Variants in GALNT14 observed in about 807,000 individuals in gnomAD.
GALNT14 encodes the protein UDP-GalNAc:polypeptide N-acetylgalactosaminyltransferase 14.
A neutral mutation model predicts 77.5 loss-of-function variants in GALNT14; 60 were observed. The observed-to-expected ratio is 0.77, with a 90% CI of 0.63 to 0.96. The LOEUF (loss-of-function observed/expected upper bound fraction) is 0.96, where lower values mean the gene tolerates loss of function less well. Among genes scored for constraint, GALNT14 ranks in the 40% least tolerant of loss-of-function variants. The pLI, the probability that GALNT14 is intolerant of heterozygous loss-of-function variation, is 0.00. For synonymous variants in GALNT14, 280 were observed against 281.7 expected (o/e 0.99, Z 0.06); for missense variants, 710 against 731.0 (o/e 0.97, Z 0.33).
chr2:30,951,602 T>C (rs1282364594), intron 6 of GALNT14, among the ~76,000 whole-genome samples: 1 of 152,256 alleles, frequency 6.6e-6, no homozygotes, highest in Non-Finnish European at 1.5e-5. Context: ...AAGGTTAAAA[T>C]GGTAACTTTC....
intron 3 of GALNT14, 94 bp from the exon 4 acceptor site, chr2:30,958,558 G>T: frequency 1.0e-6 from 1 of 958,782 alleles, no homozygotes; most frequent in Non-Finnish European, 1.6e-6. Flanking sequence ...TGCATTTAAG[G>T]AATGAAAAAT....
At chr2:30,927,077 C>A (rs537779769) in intron 11 of GALNT14, among the ~76,000 whole-genome samples, 14 of 152,124 alleles carry the variant, frequency 9.2e-5, no homozygotes, top group African/African-American at 3.4e-4. Context: ...GAGGAGAGAC[C>A]GGGGATCAGG....
At chr2:30,944,667 C>G (rs2148287089) in intron 8 of GALNT14, among the ~76,000 whole-genome samples, 191 bp downstream of exon 8, 1 of 152,246 alleles carries the variant, frequency 6.6e-6, no homozygotes. Flanking sequence ...TCTGCTGGCC[C>G]CCATCCCCTT....
At chr2:31,068,359 C>T (rs986431743) in intron 1 of GALNT14, among the ~76,000 whole-genome samples, 3 of 151,928 alleles carry the variant, frequency 2.0e-5, no homozygotes, top group Non-Finnish European at 2.9e-5. Flanking sequence ...GGGTGGTACA[C>T]GCCTGTAATC....
At chr2:31,030,476 G>C (rs1672337144) in intron 1 of GALNT14, among the ~76,000 whole-genome samples, 1 of 152,180 alleles carries the variant, frequency 6.6e-6, no homozygotes, top group East Asian at 1.9e-4. Flanking sequence ...AAAGTTCACT[G>C]CTAGTGTTTA....
At chr2:30,958,959 C>G (rs1558442799) in intron 3 of GALNT14, among the ~76,000 whole-genome samples, 1 of 152,202 alleles carries the variant, frequency 6.6e-6, no homozygotes, top group Non-Finnish European at 1.5e-5. Flanking sequence ...GACAGCCCCC[C>G]AGGGGCTCCT....
chr2:31,053,898 C>T (rs1051643762), intron 1 of GALNT14, among the ~76,000 whole-genome samples: 21 of 152,210 alleles, frequency 1.4e-4, no homozygotes, highest in African/African-American at 5.1e-4. Context: ...CCCTTCTGGG[C>T]TTCTCTTACC....
rs188979688 is a variant in GALNT14 at position 31,095,434 on chromosome 2, G to A, written c.129+42524C>T. Among the ~76,000 whole-genome samples the A allele has an allele frequency of 2.4e-4, 36 of 152,134 alleles. No individual in the cohort carries two copies. The East Asian group carries it at 6.8e-3, about 29-fold the overall frequency. On this transcript the variant is annotated intron_variant, in intron 1 of 14. Transcript: ENST00000349752. ...CACACAAGAAATCATCCCCCAAAGG[G>A]TCATATGCCAGTCTCCATCTCCATT...
chr2:31,059,611 A>C (rs1674458599), intron 1 of GALNT14, among the ~76,000 whole-genome samples: 1 of 152,186 alleles, frequency 6.6e-6, no homozygotes, highest in Admixed American at 6.5e-5. Flanking sequence ...GAGGCTGAGC[A>C]GGAGGATTGC....
In GALNT14 at chr2:30,931,987, C is replaced by T. The variant is rs576710368; in HGVS notation, c.1058+81G>A. 1.8e-4 allele frequency: 243 copies of T among 1,362,190 alleles called. 1 individual carries two copies. In the South Asian group the frequency reaches 2.6e-3, roughly 15 times the overall value. The allele number at this position is 1,362,190 out of a possible 1,614,324, so 84.4% of individuals were successfully genotyped here. ...AGGCAGCCTAACAGAGCACCAGGGACGGCTGCAACCCTTACCAGCAGCCGC... is the reference window on the plus strand; with the variant it reads ...AGGCAGCCTAACAGAGCACCAGGGATGGCTGCAACCCTTACCAGCAGCCGC... On this transcript the variant is annotated intron_variant, in intron 10 of 14. Coordinates refer to ENST00000349752, the MANE Select transcript of GALNT14 (RefSeq NM_024572.4).
chr2:30,934,214 C>A (rs1352573042), intron 9 of GALNT14, among the ~76,000 whole-genome samples: 1 of 152,164 alleles, frequency 6.6e-6, no homozygotes, highest in African/African-American at 2.4e-5. Context: ...GCCTGGCACC[C>A]ACATCCCCAT....
At chr2:30,955,816 G>A (rs569644443) in intron 5 of GALNT14, 77 bp from the exon 6 acceptor site, 2 of 1,608,348 alleles carry the variant, frequency 1.2e-6, no homozygotes, top group East Asian at 4.5e-5. Flanking sequence ...AAGCCACCCA[G>A]CATTCCCCAC....
rs1203198361 is a variant in GALNT14 at position 31,097,074 on chromosome 2, G to A, written c.129+40884C>T. Among the ~76,000 whole-genome samples the A allele has an allele frequency of 2.0e-5, 3 of 152,148 alleles. No individual in the cohort carries two copies. In the East Asian group the frequency reaches 5.8e-4, roughly 29 times the overall value. ...GCCTCTAGCTGGGGAAGAGGGAGAG[G>A]GTCTCTGTATAGTAGCCAGTGGTCT... On this transcript the variant is annotated intron_variant, in intron 1 of 14. Transcript: ENST00000349752.
intron 1 of GALNT14, among the ~76,000 whole-genome samples, chr2:31,042,673 C>T (rs1426422520): frequency 1.3e-5 from 2 of 152,174 alleles, no homozygotes; most frequent in Non-Finnish European, 2.9e-5. Context: ...CTTCCTTACT[C>T]TCCACATCCA....
chr2:30,985,929 A>G (rs533895999), intron 2 of GALNT14, among the ~76,000 whole-genome samples: 1 of 152,300 alleles, frequency 6.6e-6, no homozygotes, highest in South Asian at 2.1e-4. Flanking sequence ...TTCCAGCTGT[A>G]AAGATTTTTA....
intron 6 of GALNT14, among the ~76,000 whole-genome samples, chr2:30,953,526 T>C (rs1380974740): frequency 2.0e-5 from 3 of 152,148 alleles, no homozygotes; most frequent in Non-Finnish European, 2.9e-5. Flanking sequence ...GCCAGGATGG[T>C]CTCAATCTCC....
chr2:31,110,176 A>G (rs1160763063), intron 1 of GALNT14, among the ~76,000 whole-genome samples: 2 of 152,172 alleles, frequency 1.3e-5, no homozygotes, highest in African/African-American at 4.8e-5. Context: ...GCCTCCGAAT[A>G]GCCACACCAG....
chr2:31,108,198 G>A (rs905425682), intron 1 of GALNT14, among the ~76,000 whole-genome samples: 1 of 152,118 alleles, frequency 6.6e-6, no homozygotes, highest in African/African-American at 2.4e-5. Context: ...CATGAACCCT[G>A]AAGTTTCAGG....
chr2:31,030,254 A>G (rs1672325817), intron 1 of GALNT14, among the ~76,000 whole-genome samples: 2 of 152,162 alleles, frequency 1.3e-5, no homozygotes, highest in Non-Finnish European at 1.5e-5. Flanking sequence ...CTGCCAGTGT[A>G]AGAAATGTCA....
Sources: gnomAD v4.1 joint callset for allele counts (sites outside exome capture counted in the v4.1 genomes callset) on GRCh38, gnomAD v4.1.1 for gene constraint, MANE v1.5 for transcripts, NCBI Gene and HGNC (gene_info 2026-07-23, HGNC 2026-07-21) for gene names.